The following PRKCE variants were observed in gnomAD, a reference collection of about 807,000 sequenced individuals.
The protein encoded by PRKCE is protein kinase C epsilon, also known as protein kinase C epsilon type.
A neutral mutation model predicts 85.4 loss-of-function variants in PRKCE; 16 were observed. That is an observed-to-expected ratio of 0.19 (90% CI 0.13 to 0.28). The LOEUF (loss-of-function observed/expected upper bound fraction) is 0.28, where lower values mean the gene tolerates loss of function less well. PRKCE is among the 10% of genes least tolerant of loss of function. The probability of loss-of-function intolerance (pLI) is 1.00; values close to 1 mark genes in which losing one functional copy is unlikely to be tolerated. For synonymous variants in PRKCE, 388 were observed against 371.5 expected, an observed-to-expected ratio of 1.04 and a Z score of -0.51; for missense variants, 573 against 975.2, an observed-to-expected ratio of 0.59 and a Z score of 5.49.
At position 46,178,401 on chromosome 2, in the gene PRKCE, A is replaced by G. The variant is rs369791018; in HGVS notation, c.2068-6334A>G. Among the ~76,000 whole-genome samples the G allele has an allele frequency of 2.3e-4, 35 of 152,378 alleles. 1 individual carries two copies. In the East Asian group the frequency reaches 2.7e-3, roughly 12 times the overall value. ...TGAACATTTCTTGGCTAACAAAATT[A>G]TAAAGAGGAAGAAGGGATGACAGAT... On this transcript the variant is annotated intron_variant, in intron 14 of 14. Coordinates refer to ENST00000306156, the MANE Select transcript of PRKCE (RefSeq NM_005400.3).
At chr2:45,934,600 G>A (rs1699293796) in intron 2 of PRKCE, among the ~76,000 whole-genome samples, 3 of 148,526 alleles carry the variant, frequency 2.0e-5, no homozygotes, top group Non-Finnish European at 4.5e-5. Flanking sequence ...AGTGAGCCGA[G>A]ATCACACCAC....
chr2:46,043,820 T>A (rs1708357892), intron 10 of PRKCE, among the ~76,000 whole-genome samples: 1 of 152,268 alleles, frequency 6.6e-6, no homozygotes, highest in African/African-American at 2.4e-5. Context: ...CAATTTGTTC[T>A]GAAAACATGA....
chr2:45,827,885 T>A (rs1319828169), intron 1 of PRKCE, among the ~76,000 whole-genome samples: 5 of 152,262 alleles, frequency 3.3e-5, no homozygotes, highest in Non-Finnish European at 7.3e-5. Context: ...TTTTACTTTA[T>A]GTTATATAAA....
chr2:46,076,073 A>T (rs1460786527), intron 10 of PRKCE, among the ~76,000 whole-genome samples: 2 of 152,216 alleles, frequency 1.3e-5, no homozygotes, highest in Non-Finnish European at 2.9e-5. Flanking sequence ...CATGCAATGG[A>T]GGAAAAGAAA....
intron 1 of PRKCE, among the ~76,000 whole-genome samples, chr2:45,787,962 A>G (rs1294208838): frequency 6.6e-6 from 1 of 152,118 alleles, no homozygotes; most frequent in Non-Finnish European, 1.5e-5. Flanking sequence ...GCTGTCTCTC[A>G]TGTTAGGTTT....
chr2:45,886,163 T>A (rs533149859), intron 2 of PRKCE, among the ~76,000 whole-genome samples: 4 of 152,346 alleles, frequency 2.6e-5, no homozygotes, highest in African/African-American at 9.6e-5. Context: ...GCTGGACCAT[T>A]TCTGTTCTTG....
At chr2:45,685,943 G>A (rs977518900) in intron 1 of PRKCE, among the ~76,000 whole-genome samples, 1 of 152,164 alleles carries the variant, frequency 6.6e-6, no homozygotes, top group Non-Finnish European at 1.5e-5. Context: ...ATAGACAAAT[G>A]ATAGCTTAGC....
chr2:45,661,298 T>G (rs1675628360), intron 1 of PRKCE, among the ~76,000 whole-genome samples: 1 of 151,814 alleles, frequency 6.6e-6, no homozygotes, highest in Non-Finnish European at 1.5e-5. Context: ...TTCTCCTGTC[T>G]CAGCCTCCCA....
intron 2 of PRKCE, among the ~76,000 whole-genome samples, chr2:45,872,890 G>T (rs1482755153): frequency 6.6e-6 from 1 of 152,226 alleles, no homozygotes; most frequent in Non-Finnish European, 1.5e-5. Context: ...TGAGTCATGG[G>T]TATGCAGGTT....
intron 2 of PRKCE, among the ~76,000 whole-genome samples, chr2:45,866,575 G>A (rs1327237458): frequency 6.6e-6 from 1 of 152,234 alleles, no homozygotes; most frequent in Admixed American, 6.5e-5. Flanking sequence ...CCAAAGTGCT[G>A]GAATTACAGG....
chr2:45,797,699 A>G (rs188550004), intron 1 of PRKCE, among the ~76,000 whole-genome samples: 4 of 152,224 alleles, frequency 2.6e-5, no homozygotes, highest in Admixed American at 6.5e-5. Context: ...GCTGGAGTCC[A>G]CATGCTCAGG....
intron 1 of PRKCE, among the ~76,000 whole-genome samples, chr2:45,750,502 A>G (rs1469856637): frequency 1.3e-5 from 2 of 152,176 alleles, no homozygotes; most frequent in Admixed American, 1.3e-4. Context: ...CTGAGTCCCA[A>G]GGTGGGTATT....
At chr2:45,882,788 A>C (rs1336348022) in intron 2 of PRKCE, among the ~76,000 whole-genome samples, 1 of 152,242 alleles carries the variant, frequency 6.6e-6, no homozygotes, top group Non-Finnish European at 1.5e-5. Context: ...CCTGCACTCA[A>C]CGTTTCTTAA....
At chr2:46,109,373 T>C (rs1672042857) in intron 11 of PRKCE, among the ~76,000 whole-genome samples, 1 of 152,160 alleles carries the variant, frequency 6.6e-6, no homozygotes, top group African/African-American at 2.4e-5. Context: ...ATTTCTTGTG[T>C]CAGTGGTCTA....
At chr2:45,728,977 G>A (rs1195421199) in intron 1 of PRKCE, among the ~76,000 whole-genome samples, 1 of 152,176 alleles carries the variant, frequency 6.6e-6, no homozygotes, top group African/African-American at 2.4e-5. Flanking sequence ...TGTTTGCCAA[G>A]TGAGGCTGCC....
At chr2:46,150,001 C>T (rs958091791) in intron 12 of PRKCE, among the ~76,000 whole-genome samples, 6 of 151,856 alleles carry the variant, frequency 4.0e-5, no homozygotes, top group African/African-American at 1.5e-4. Flanking sequence ...AGACTACAGA[C>T]ACGTACCACC....
At chr2:45,677,329 T>TTGG in intron 1 of PRKCE, among the ~76,000 whole-genome samples, 1 of 116,488 alleles carries the variant, frequency 8.6e-6, no homozygotes. Context: ...GGTTTTTTTT[T>TTGG]TGTTTTTTTT....
intron 1 of PRKCE, among the ~76,000 whole-genome samples, chr2:45,806,486 T>G (rs999139884): frequency 1.3e-5 from 2 of 152,206 alleles, no homozygotes; most frequent in Non-Finnish European, 2.9e-5. Flanking sequence ...TCAGCGGCAT[T>G]AAGTCCGTTC....
chr2:45,696,014 T>C (rs1406831509), intron 1 of PRKCE, among the ~76,000 whole-genome samples: 5 of 152,136 alleles, frequency 3.3e-5, no homozygotes, highest in African/African-American at 1.2e-4. Flanking sequence ...TATGTATACA[T>C]GTGCCATGCT....
Sources: gnomAD v4.1 joint callset for allele counts (sites outside exome capture counted in the v4.1 genomes callset) on GRCh38, gnomAD v4.1.1 for gene constraint, MANE v1.5 for transcripts, NCBI Gene and HGNC (gene_info 2026-07-23, HGNC 2026-07-21) for gene names.